TRAK1: variants seen among roughly 807,000 people sequenced by gnomAD.
The protein encoded by TRAK1 is trafficking kinesin protein 1.
TRAK1 carries 33 observed loss-of-function variants against 92.1 expected under a neutral mutation model. The observed-to-expected ratio is 0.36, with a 90% CI of 0.27 to 0.48. The LOEUF (loss-of-function observed/expected upper bound fraction) is 0.48, where lower values mean the gene tolerates loss of function less well. Ranked by LOEUF, TRAK1 falls within the 20% of genes least tolerant of loss-of-function variation. The pLI is 0.99. For synonymous variants in TRAK1, 521 were observed against 517.3 expected (o/e 1.01, Z -0.10); for missense variants, 1,123 against 1,257.9 (o/e 0.89, Z 1.62).
rs765584889 is a variant in TRAK1, at chr3:42,202,800, C to T, written c.1744+48C>T. 2 of 1,601,446 alleles carry T rather than the reference C, an allele frequency of 1.2e-6. No homozygotes were observed. The highest frequency in any genetic ancestry group is 1.7e-4 in the Middle Eastern group (1 of 6,046). ...CCTCTCTGTCCTCCTGGGGGACTCCCTTTGGTCCCTGATCCACCTGCGGAA... is the reference window on the plus strand; with the variant it reads ...CCTCTCTGTCCTCCTGGGGGACTCCTTTTGGTCCCTGATCCACCTGCGGAA... On this transcript the variant is annotated intron_variant, in intron 13 of 15. Coordinates refer to ENST00000327628, the MANE Select transcript of TRAK1 (RefSeq NM_001042646.3). The surrounding 1 kb of genome is among the most constrained non-coding windows in gnomAD (Gnocchi z 6.1).
chr3:42,121,896 T>G (rs1192434494), intron 1 of TRAK1, among the ~76,000 whole-genome samples: 1 of 152,084 alleles, frequency 6.6e-6, no homozygotes, highest in Non-Finnish European at 1.5e-5. Flanking sequence ...TGGCTTACTG[T>G]AACTTCTGCC....
intron 1 of TRAK1, among the ~76,000 whole-genome samples, chr3:42,060,574 T>G (rs181080965): frequency 6.6e-6 from 1 of 151,922 alleles, no homozygotes; most frequent in African/African-American, 2.4e-5. Context: ...AGCCTTAATG[T>G]GAATGTTGTC....
At chr3:42,140,193 C>T (rs1302230518) in intron 2 of TRAK1, among the ~76,000 whole-genome samples, 1 of 152,190 alleles carries the variant, frequency 6.6e-6, no homozygotes, top group African/African-American at 2.4e-5. Context: ...TTTGTTCCCC[C>T]ACCTTCCCCT....
chr3:42,070,704 C>G (rs927274172), intron 1 of TRAK1, among the ~76,000 whole-genome samples: 11 of 152,214 alleles, frequency 7.2e-5, no homozygotes, highest in Non-Finnish European at 1.3e-4. Context: ...GTTGAGATTA[C>G]AGGCATGAGT....
At chr3:42,030,068 G>A (rs964090664) in intron 1 of TRAK1, among the ~76,000 whole-genome samples, 1 of 143,586 alleles carries the variant, frequency 7.0e-6, no homozygotes, top group South Asian at 2.2e-4. Flanking sequence ...GGGTGATGCC[G>A]AGATCTCACA....
intron 1 of TRAK1, among the ~76,000 whole-genome samples, chr3:42,054,384 C>T (rs998154451): frequency 1.7e-4 from 26 of 152,154 alleles, no homozygotes; most frequent in African/African-American, 5.6e-4. Flanking sequence ...GTACAGGGTG[C>T]ACCTTGAGAG....
upstream of TRAK1, among the ~76,000 whole-genome samples, chr3:42,090,452 G>A (rs763815562): frequency 6.6e-6 from 1 of 152,236 alleles, no homozygotes; most frequent in South Asian, 2.1e-4. Context: ...TTGGGAGGCC[G>A]AGGCGGGCAG....
At chr3:42,035,764 C>T (rs1702302669) in intron 1 of TRAK1, among the ~76,000 whole-genome samples, 1 of 152,214 alleles carries the variant, frequency 6.6e-6, no homozygotes, top group African/African-American at 2.4e-5. Context: ...GCAAAAGAGG[C>T]TGCTGCCTCT....
intron 1 of TRAK1, among the ~76,000 whole-genome samples, chr3:42,019,330 C>T (rs2148878353): frequency 6.6e-6 from 1 of 152,254 alleles, no homozygotes; most frequent in Non-Finnish European, 1.5e-5. Context: ...GGCTGAAGTG[C>T]AGTGGCCTGA....
chr3:42,221,413 G>A (rs899042604), intron 15 of TRAK1, among the ~76,000 whole-genome samples: 6 of 152,118 alleles, frequency 3.9e-5, no homozygotes, highest in Non-Finnish European at 8.8e-5. Flanking sequence ...TGACCTCCCA[G>A]GGCTGAGGTC....
intron 2 of TRAK1, among the ~76,000 whole-genome samples, chr3:42,132,843 G>A (rs1697395081): frequency 1.3e-5 from 2 of 152,108 alleles, no homozygotes; most frequent in Non-Finnish European, 1.5e-5. Flanking sequence ...TCAGCCTCAT[G>A]TACCCACATA....
At chr3:42,136,281 G>T (rs777004397) in intron 2 of TRAK1, among the ~76,000 whole-genome samples, 9 of 152,122 alleles carry the variant, frequency 5.9e-5, no homozygotes, top group East Asian at 3.8e-4. Context: ...CTGTTCTTCA[G>T]CTCTTGGTAC....
rs1274626947 is a variant in TRAK1, at chr3:42,191,609, C to T, written c.742C>T (p.Leu248=). 3 of 1,604,102 alleles carry T rather than the reference C, an allele frequency of 1.9e-6. No individual in the cohort carries two copies. The highest frequency in any genetic ancestry group is 2.3e-5 in the South Asian group (2 of 88,482). ...TITYEEKEQQ[L]VNDCVKELRD... is the part of the protein sequence containing the mutation. ...CACCTATGAGGAGAAGGAGCAGCAG[C>T]TGGTCAATGACTGCGTGAAGGAGCT... The change falls in exon 7 of 16, where the codon CTG becomes TTG. Residue 248 remains leucine, a synonymous_variant. Coordinates refer to ENST00000327628, the MANE Select transcript of TRAK1 (RefSeq NM_001042646.3).
rs78866051 is a variant in TRAK1, at chr3:42,131,359, C to T, written c.286+5745C>T. On this transcript the variant is annotated intron_variant, in intron 2 of 15. Transcript: ENST00000327628. ...TTCCAGCCTCTTTCACCAGTTCTTT[C>T]TTTTTCCTCTTCCTCTGAGCTTCCA... Among the ~76,000 whole-genome samples, 724 of 152,260 alleles carry T rather than the reference C, an allele frequency of 4.8e-3. 2 individuals are homozygous for T. The highest frequency in any genetic ancestry group is 8.1e-3 in the Non-Finnish European group (550 of 68,020).
chr3:42,145,794 G>T, intron 2 of TRAK1: 1 of 232,324 alleles, frequency 4.3e-6, no homozygotes. Flanking sequence ...TGGAACATAA[G>T]CTAGTGGGCC....
In TRAK1 at chr3:42,219,490, T is replaced by C. The variant is rs1169869653; in HGVS notation, c.1964-4T>C. On this transcript the variant is annotated splice_polypyrimidine_tract_variant and splice_region_variant and intron_variant, in intron 14 of 15. Coordinates refer to ENST00000327628, the MANE Select transcript of TRAK1 (RefSeq NM_001042646.3). The stretch of plus-strand genomic sequence containing the variant: ...AGGAATATGTTTTGTTCCTCCCAAT[T>C]TAGCGCACCATCCTGGGAAGTGCAT... 2 of 1,614,046 alleles carry C rather than the reference T, an allele frequency of 1.2e-6. No individual in the cohort carries two copies. The highest frequency in any genetic ancestry group is 3.3e-5 in the Admixed American group (2 of 60,004).
intron 1 of TRAK1, among the ~76,000 whole-genome samples, chr3:42,077,993 A>C (rs891519344): frequency 6.6e-6 from 1 of 152,264 alleles, no homozygotes; most frequent in African/African-American, 2.4e-5. Flanking sequence ...GCAGTTTGAC[A>C]AGTGGGTGGT....
chr3:42,081,767 A>G (rs1704449810), intron 1 of TRAK1, among the ~76,000 whole-genome samples: 1 of 152,244 alleles, frequency 6.6e-6, no homozygotes, highest in South Asian at 2.1e-4. Flanking sequence ...TAATGACAGT[A>G]ATTATTTTGA....
intron 1 of TRAK1, among the ~76,000 whole-genome samples, chr3:42,120,109 C>T (rs1309137240): frequency 6.6e-6 from 1 of 152,058 alleles, no homozygotes; most frequent in Non-Finnish European, 1.5e-5. Context: ...ACAATGTGGC[C>T]GGCCACCATG....
Sources: allele counts gnomAD v4.1 joint callset (sites outside exome capture counted in the v4.1 genomes callset), GRCh38; gene constraint gnomAD v4.1.1; non-coding constraint Gnocchi (gnomAD v3.1); transcripts MANE v1.5; gene names NCBI Gene and HGNC (gene_info 2026-07-23, HGNC 2026-07-21).